Variants in NEBL observed in about 807,000 individuals in gnomAD.
NEBL encodes the protein LIM and SH3 protein 2.
A neutral mutation model predicts 140.2 loss-of-function variants in NEBL; 122 were observed. That is an observed-to-expected ratio of 0.87 (90% CI 0.75 to 1.01). The LOEUF (loss-of-function observed/expected upper bound fraction) is 1.01, where lower values mean the gene tolerates loss of function less well. NEBL is among the 50% of genes least tolerant of loss of function. NEBL has a pLI of 0.00. For synonymous variants in NEBL, 436 were observed against 398.9 expected, an observed-to-expected ratio of 1.09 and a Z score of -1.11; for missense variants, 1,365 against 1,231.3, an observed-to-expected ratio of 1.11 and a Z score of -1.62.
At chr10:21,039,850 A>G (rs2131827765) in intron 2 of NEBL, among the ~76,000 whole-genome samples, 1 of 152,262 alleles carries the variant, frequency 6.6e-6, no homozygotes, top group East Asian at 1.9e-4. Context: ...CAGTAAATGG[A>G]GCCAATCCAT....
chr10:21,198,841 A>G (rs1841690994), intron 3 of NEBL, among the ~76,000 whole-genome samples: 1 of 152,114 alleles, frequency 6.6e-6, no homozygotes, highest in African/African-American at 2.4e-5. Flanking sequence ...TTGAATAATC[A>G]GAAAGTGACC....
chr10:20,797,367 C>T (rs1836653871), intron 26 of NEBL, among the ~76,000 whole-genome samples: 1 of 152,076 alleles, frequency 6.6e-6, no homozygotes, highest in Non-Finnish European at 1.5e-5. Context: ...CTAATACTGA[C>T]CCTTAGACAA....
At chr10:20,990,028 GT>G (rs1837398940) in intron 3 of NEBL, among the ~76,000 whole-genome samples, 1 of 152,086 alleles carries the variant, frequency 6.6e-6, no homozygotes, top group African/African-American at 2.4e-5. Flanking sequence ...ATATCTTGAA[GT>G]ATTATTTATA....
At chr10:21,290,462 T>C (rs531072896) in intron 1 of NEBL, among the ~76,000 whole-genome samples, 1 of 152,174 alleles carries the variant, frequency 6.6e-6, no homozygotes, top group African/African-American at 2.4e-5. Flanking sequence ...CTTTATCTGA[T>C]TGAGGAAAAC....
intron 4 of NEBL, among the ~76,000 whole-genome samples, chr10:20,921,050 C>CAA (rs1344376339): frequency 1.3e-5 from 2 of 152,056 alleles, no homozygotes; most frequent in Non-Finnish European, 2.9e-5. Context: ...AACAGGGAAT[C>CAA]AAAAAAGTAG....
chr10:20,802,033 A>G (rs11012347), intron 26 of NEBL, among the ~76,000 whole-genome samples: 13,035 of 152,222 alleles, frequency 0.086, 636 homozygotes, highest in African/African-American at 0.12. Flanking sequence ...TCACACTCCC[A>G]TATCCTTTTA....
exon 1 of NEBL, among the ~76,000 whole-genome samples, chr10:21,292,968 C>T (rs1377973895): frequency 1.3e-5 from 2 of 152,134 alleles, no homozygotes; most frequent in African/African-American, 4.8e-5. Flanking sequence ...AAACGACAGC[C>T]AAGCATTAAA....
intron 4 of NEBL, among the ~76,000 whole-genome samples, chr10:20,948,275 A>AAT: frequency 6.6e-6 from 1 of 152,342 alleles, no homozygotes; most frequent in Non-Finnish European, 1.5e-5. Flanking sequence ...CCTCTTGCTA[A>AAT]ATATTTCATG....
rs1364813074 is a variant in NEBL, at chr10:21,097,227, GGGT to G, written c.164+75153_164+75155del. On this transcript the variant is annotated intron_variant, in intron 2 of 6. Transcript: ENST00000417816. ...CAGCACTTTGGGAGGTCCGGGGGGGGGGTGGGGCAGATCACAAGGTCAGGGGTT... is the reference window on the plus strand; with the variant it reads ...CAGCACTTTGGGAGGTCCGGGGGGGGGGGGCAGATCACAAGGTCAGGGGTT... 6.8e-4 allele frequency among the ~76,000 whole-genome samples: 101 copies of G among 147,596 alleles called. 7 individuals carry two copies. In the South Asian group the frequency reaches 7.1e-3, roughly 10 times the overall value.
At chr10:21,120,853 C>T (rs907734758) in intron 2 of NEBL, among the ~76,000 whole-genome samples, 1 of 152,078 alleles carries the variant, frequency 6.6e-6, no homozygotes, top group Non-Finnish European at 1.5e-5. Flanking sequence ...GATATGAAGA[C>T]ATTTTCCCTA....
rs563197387 is a variant in NEBL, at chr10:21,280,011, C to T, written n.182+12819G>A. ...CTTTATTGCCCAAACTCTAAAGCTT[C>T]TCTGCCGCTTAAGAGAAGCCAAAAA... On this transcript the variant is annotated intron_variant and non_coding_transcript_variant, in intron 1 of 8. Coordinates refer to the NEBL transcript ENST00000675702. Among the ~76,000 whole-genome samples the T allele has an allele frequency of 5.3e-5, 8 of 152,204 alleles. No individual in the cohort carries two copies. In the South Asian group the frequency reaches 1.7e-3, roughly 32 times the overall value.
At position 21,277,232 on chromosome 10, in the gene NEBL, G is replaced by A. The variant is rs557584252; in HGVS notation, n.182+15598C>T. On this transcript the variant is annotated intron_variant and non_coding_transcript_variant, in intron 1 of 8. Transcript: ENST00000675702. ...TCTTTTTTTTTTTTTTTTTTGAGAC[G>A]GAGTCTCGCTCTGTCGCCCAGGCTG... is the stretch of plus-strand genomic sequence containing the variant. Among the ~76,000 whole-genome samples, 355 of 137,762 alleles carry A rather than the reference G, an allele frequency of 2.6e-3. 2 individuals carry two copies. The highest frequency in any genetic ancestry group is 1.0e-2 in the African/African-American group (335 of 33,590). 90.4% of individuals were successfully genotyped at this position (137,762 alleles called of 152,430 possible).
intron 4 of NEBL, among the ~76,000 whole-genome samples, chr10:20,907,218 C>T (rs11012382): frequency 0.11 from 16,261 of 151,948 alleles, 1,323 homozygotes; most frequent in African/African-American, 0.22. Context: ...AAGTCTACAA[C>T]CTGATTTTAA....
At chr10:21,062,861 T>G (rs1835365215) in intron 2 of NEBL, among the ~76,000 whole-genome samples, 1 of 152,192 alleles carries the variant, frequency 6.6e-6, no homozygotes, top group Admixed American at 6.5e-5. Flanking sequence ...TATCAATTTT[T>G]TTTTAATGTT....
intron 4 of NEBL, among the ~76,000 whole-genome samples, chr10:20,940,217 G>C (rs942778929): frequency 3.3e-5 from 5 of 152,036 alleles, no homozygotes; most frequent in Non-Finnish European, 5.9e-5. Flanking sequence ...TAAAAGAACA[G>C]AAATTATAAC....
intron 2 of NEBL, among the ~76,000 whole-genome samples, chr10:21,168,342 A>C (rs879010649): frequency 6.6e-6 from 1 of 152,178 alleles, no homozygotes; most frequent in Admixed American, 6.5e-5. Context: ...AAGGTTCTTC[A>C]TTTAATTATG....
chr10:20,928,500 G>C (rs1834020436), intron 4 of NEBL, among the ~76,000 whole-genome samples: 2 of 152,128 alleles, frequency 1.3e-5, no homozygotes, highest in Non-Finnish European at 1.5e-5. Context: ...TAAGCGCTAA[G>C]AAAAAGGACT....
At chr10:21,270,184 T>G (rs985199306) in intron 1 of NEBL, among the ~76,000 whole-genome samples, 1 of 152,186 alleles carries the variant, frequency 6.6e-6, no homozygotes, top group Non-Finnish European at 1.5e-5. Context: ...CTACAGTTTC[T>G]GTCATCCCTC....
chr10:20,906,788 G>A (rs1848111397), intron 4 of NEBL, among the ~76,000 whole-genome samples: 1 of 152,094 alleles, frequency 6.6e-6, no homozygotes, highest in Non-Finnish European at 1.5e-5. Context: ...TTTCTCGTGT[G>A]CATTCTATGG....
Sources: allele counts gnomAD v4.1 joint callset (sites outside exome capture counted in the v4.1 genomes callset), GRCh38; gene constraint gnomAD v4.1.1; transcripts MANE v1.5; gene names NCBI Gene and HGNC (gene_info 2026-07-23, HGNC 2026-07-21).